The following GLB1L2 variants were observed in gnomAD, a reference collection of about 807,000 sequenced individuals.
GLB1L2 encodes galactosidase beta 1 like 2.
GLB1L2 carries 68 observed loss-of-function variants against 84.1 expected under a neutral mutation model. The observed-to-expected ratio is 0.81, with a 90% CI of 0.67 to 0.99. The LOEUF is 0.99. Ranked by LOEUF, GLB1L2 falls within the 50% of genes least tolerant of loss-of-function variation. The pLI is 0.00. For missense variants in GLB1L2, 762 were observed against 805.6 expected (o/e 0.95, Z 0.66); for synonymous variants, 290 against 318.0 (o/e 0.91, Z 0.94).
At position 134,332,499 on chromosome 11, in the gene GLB1L2, C is replaced by A. The variant is rs7125185; in HGVS notation, c.86+352C>A. On this transcript the variant is annotated intron_variant, in intron 1 of 18. Transcript: ENST00000535456. ...CAGACGCACCCCATCGCGGCCCCGT[C>A]CCCACTGCTCCGCGGAGAGCTCCCT... is the stretch of plus-strand genomic sequence containing the variant. Among the ~76,000 whole-genome samples the A allele has an allele frequency of 6.8e-3, 1,041 of 152,240 alleles. 15 individuals carry two copies. Among genetic ancestry groups the A allele is most frequent in the African/African-American group, 0.023 (976 of 41,552 alleles).
chr11:134,367,870 C>A (rs906687270), intron 9 of GLB1L2, among the ~76,000 whole-genome samples: 3 of 152,226 alleles, frequency 2.0e-5, no homozygotes, highest in African/African-American at 7.2e-5. Flanking sequence ...CACAGTCTCC[C>A]GGGTTGTTTC....
intron 5 of GLB1L2, among the ~76,000 whole-genome samples, chr11:134,353,942 T>C (rs1943669409): frequency 6.6e-6 from 1 of 152,228 alleles, no homozygotes; most frequent in Non-Finnish European, 1.5e-5. Flanking sequence ...GAAGTGAGTG[T>C]CTTGTAGATA....
rs563854435 is a variant in GLB1L2, at chr11:134,368,766, G to C, written c.1012G>C (p.Asp338His). Residue 338 changes from aspartate to histidine, a missense_variant, in exon 10 of 19, where the codon GAT becomes CAT. This residue lies in a region of GLB1L2 where 603 missense variants were observed against 611.7 expected (regional missense o/e 0.99). Transcript: ENST00000535456. Reference sequence around the variant, plus strand: ...CATGCACTTCCATGACTACAAGTCAGATGTCACCAGCTATGGCAAGTATTC... The same window carrying C: ...CATGCACTTCCATGACTACAAGTCACATGTCACCAGCTATGGCAAGTATTC... ...GAMHFHDYKS[D>H]VTSYDYDAVL... The C allele has an allele frequency of 3.1e-6, 5 of 1,613,634 alleles. No individual in the cohort carries two copies. Among genetic ancestry groups the C allele is most frequent in the Non-Finnish European group, 4.2e-6 (5 of 1,179,890 alleles).
In GLB1L2 at chr11:134,358,126, C is replaced by T. The variant is rs186079088; in HGVS notation, c.652-934C>T. 2.6e-5 allele frequency among the ~76,000 whole-genome samples: 4 copies of T among 152,338 alleles called. No homozygotes were observed. In the East Asian group the frequency reaches 5.8e-4, roughly 22 times the overall value. ...GCCTTATTCGCCCAGCAGATGATCT[C>T]GCTGTCTATCCACTTCCAAAAGATT... On this transcript the variant is annotated intron_variant, in intron 6 of 18. Coordinates refer to ENST00000535456, the MANE Select transcript of GLB1L2 (RefSeq NM_001370461.1).
intron 7 of GLB1L2, among the ~76,000 whole-genome samples, chr11:134,363,460 G>A (rs1054855946): frequency 1.3e-5 from 2 of 152,244 alleles, no homozygotes; most frequent in Non-Finnish European, 2.9e-5. Context: ...TAGCAGGCAG[G>A]TGAGGGGCCC....
In GLB1L2 at chr11:134,370,925, C is replaced by A; in HGVS notation, c.1216-83C>A. The A allele has an allele frequency of 6.6e-7, 1 of 1,511,748 alleles. No homozygotes were observed. Among genetic ancestry groups the A allele is most frequent in the Non-Finnish European group, 9.1e-7 (1 of 1,104,444 alleles). The allele number at this position is 1,511,748 out of a possible 1,614,324, so 93.6% of individuals were successfully genotyped here. ...CACCCACCAAACCTCCGCTTCCACC[C>A]CATGTGCCAGCCCCCAGGCAGAGTC... On this transcript the variant is annotated intron_variant, in intron 12 of 18. Transcript: ENST00000535456. The surrounding 1 kb of genome is among the most constrained non-coding windows in gnomAD (Gnocchi z 4.7).
At chr11:134,366,883 C>T (rs1943872744) in intron 8 of GLB1L2, among the ~76,000 whole-genome samples, 1 of 152,198 alleles carries the variant, frequency 6.6e-6, no homozygotes. Flanking sequence ...TCCACAGTAT[C>T]CCTCTCAGAT....
chr11:134,344,806 C>CTG (rs1320975332), intron 3 of GLB1L2, among the ~76,000 whole-genome samples: 1 of 152,264 alleles, frequency 6.6e-6, no homozygotes, highest in African/African-American at 2.4e-5. Context: ...CCACTGAGCC[C>CTG]TGGGTGTCAC....
At position 134,374,717 on chromosome 11, in the gene GLB1L2, A is replaced by C. The variant is rs1944002647; in HGVS notation, c.1823A>C (p.Gln608Pro). 6.2e-7 allele frequency: 1 copy of C among 1,610,462 alleles called. No homozygotes were observed. The highest frequency in any genetic ancestry group is 1.3e-5 in the African/African-American group (1 of 74,850). Residue 608 changes from glutamine (Q) to proline (P), a missense_variant and splice_region_variant, in exon 18 of 19, where the codon CAG becomes CCG. Coordinates refer to ENST00000535456, the MANE Select transcript of GLB1L2 (RefSeq NM_001370461.1). Reference protein sequence around the residue: ...PGPWLSSGINQVIVFEETMAG... With the variant: ...PGPWLSSGINPVIVFEETMAG... ...CCCTGGTTGAGCAGCGGAATCAACC[A>C]GGTGGGAGCTTCCAGCCCCTTCCTG...
chr11:134,336,022 GTA>G (rs1565432139), intron 1 of GLB1L2, among the ~76,000 whole-genome samples: 2 of 152,132 alleles, frequency 1.3e-5, no homozygotes, highest in African/African-American at 4.8e-5. Context: ...ATTAAAGACC[GTA>G]TTGAAAAAGA....
intron 18 of GLB1L2, 94 bp downstream of exon 18, chr11:134,374,812 G>T: frequency 8.4e-7 from 1 of 1,196,398 alleles, no homozygotes. Flanking sequence ...CGTGTCAGCG[G>T]GTTCTTCCTC....
chr11:134,358,479 T>C (rs1184645857), intron 6 of GLB1L2, among the ~76,000 whole-genome samples: 1 of 152,268 alleles, frequency 6.6e-6, no homozygotes, highest in Non-Finnish European at 1.5e-5. Flanking sequence ...AGCACAGCGT[T>C]TCTTCCACTT....
At chr11:134,344,705 C>T (rs61908673) in intron 3 of GLB1L2, among the ~76,000 whole-genome samples, 6,014 of 151,952 alleles carry the variant, frequency 0.04, 3 homozygotes, top group Middle Eastern at 0.11. Context: ...CCCTGGGAGC[C>T]GCCCGACTCT....
Position 134,375,268 on chromosome 11 carries a change from G to T in GLB1L2, c.*210G>T. On this transcript the variant is annotated 3_prime_UTR_variant, in exon 19 of 19. Transcript: ENST00000535456. ...TGGCTCTGGGCCTGGCTTTGTTGATGATGGCTTTCCTACAGCCCTGCTCTT... is the reference window on the plus strand; with the variant it reads ...TGGCTCTGGGCCTGGCTTTGTTGATTATGGCTTTCCTACAGCCCTGCTCTT... 1 of 545,342 alleles carries T rather than the reference G, an allele frequency of 1.8e-6. No homozygotes were observed. Among genetic ancestry groups the T allele is most frequent in the Non-Finnish European group, 3.3e-6 (1 of 307,078 alleles). The allele number at this position is 545,342 out of a possible 1,614,324, so 33.8% of individuals were successfully genotyped here.
chr11:134,332,345 C>T (rs1364268386), intron 1 of GLB1L2, among the ~76,000 whole-genome samples, 198 bp downstream of exon 1: 1 of 152,132 alleles, frequency 6.6e-6, no homozygotes, highest in Non-Finnish European at 1.5e-5. Flanking sequence ...CGATCCAGGC[C>T]TCTGGGCGAC....
chr11:134,373,281 C>T (rs967670876), intron 15 of GLB1L2, among the ~76,000 whole-genome samples: 7 of 152,196 alleles, frequency 4.6e-5, no homozygotes, highest in Admixed American at 3.3e-4. Flanking sequence ...CATCTGCTCA[C>T]AGTCCAAACA....
In GLB1L2 at chr11:134,351,351, T is replaced by C. The variant is rs547220994; in HGVS notation, c.558+3918T>C. 4.2e-3 allele frequency among the ~76,000 whole-genome samples: 637 copies of C among 150,094 alleles called. 1 individual carries two copies. Among genetic ancestry groups the C allele is most frequent in the Non-Finnish European group, 5.8e-3 (389 of 67,350 alleles). On this transcript the variant is annotated intron_variant, in intron 5 of 18. Transcript: ENST00000535456. ...TGATTGATTCTTTTTCTTTCTTTTT[T>C]TTTTTTTTTTTGAGATGGTGGTTCC...
chr11:134,338,122 G>A lies in GLB1L2; in HGVS notation c.87-4632G>A, dbSNP rs1943413433. Reference sequence around the variant, plus strand: ...CACCGGCGGTCATCGTACTCCGGATGTTCACGGCACTCCGGATGTTCTGCT... The same window carrying A: ...CACCGGCGGTCATCGTACTCCGGATATTCACGGCACTCCGGATGTTCTGCT... On this transcript the variant is annotated intron_variant, in intron 1 of 18. Transcript: ENST00000535456. The surrounding 1 kb of genome is among the most constrained non-coding windows in gnomAD (Gnocchi z 6.2). 6.7e-6 allele frequency among the ~76,000 whole-genome samples: 1 copy of A among 148,184 alleles called. No individual in the cohort carries two copies. Among genetic ancestry groups the A allele is most frequent in the Admixed American group, 6.6e-5 (1 of 15,092 alleles).
intron 7 of GLB1L2, chr11:134,361,352 C>A (rs1591620369): frequency 1.3e-5 from 2 of 152,192 alleles, no homozygotes; most frequent in Non-Finnish European, 2.9e-5. Context: ...CTATTGACTT[C>A]TTGTTCCAGT....
Sources: allele counts gnomAD v4.1 joint callset (sites outside exome capture counted in the v4.1 genomes callset), GRCh38; gene constraint gnomAD v4.1.1; regional missense constraint gnomAD v4.1.1; non-coding constraint Gnocchi (gnomAD v3.1); transcripts MANE v1.5; gene names NCBI Gene and HGNC (gene_info 2026-07-23, HGNC 2026-07-21).